The following MYT1 variants were observed in gnomAD, a reference collection of about 807,000 sequenced individuals.
MYT1 encodes myelin transcription factor 1.
MYT1 carries 23 observed loss-of-function variants against 123.0 expected under a neutral mutation model. The observed-to-expected ratio is 0.19, with a 90% CI of 0.13 to 0.26. MYT1 has a LOEUF of 0.26. Among genes scored for constraint, MYT1 ranks in the 10% least tolerant of loss-of-function variants. MYT1 has a pLI of 1.00. For missense variants in MYT1, 1,125 were observed against 1,472.5 expected (o/e 0.76, Z 3.86); for synonymous variants, 518 against 575.3 (o/e 0.90, Z 1.43).
intron 3 of MYT1, 129 bp downstream of exon 3, chr20:64,199,045 T>C (rs777655635): frequency 2.2e-5 from 21 of 942,630 alleles, no homozygotes; most frequent in Non-Finnish European, 3.3e-5. Flanking sequence ...TTCAGCCTCA[T>C]TCATCCTCAG....
At chr20:64,171,281 G>A (rs1982271205) in intron 1 of MYT1, among the ~76,000 whole-genome samples, 1 of 152,100 alleles carries the variant, frequency 6.6e-6, no homozygotes, top group Admixed American at 6.5e-5. Flanking sequence ...CTCATCCAGC[G>A]GTAAGTCCTG....
chr20:64,197,834 C>T (rs1017754315), intron 2 of MYT1, among the ~76,000 whole-genome samples: 1 of 152,178 alleles, frequency 6.6e-6, no homozygotes, highest in Non-Finnish European at 1.5e-5. Flanking sequence ...GCAGTGTCCC[C>T]ACAGAGGGTG....
intron 10 of MYT1, among the ~76,000 whole-genome samples, 182 bp from the exon 11 acceptor site, chr20:64,216,885 C>T (rs770355432): frequency 2.0e-5 from 3 of 152,214 alleles, no homozygotes; most frequent in Non-Finnish European, 4.4e-5. Context: ...GCCCTTGACC[C>T]TGGGAGGTGG....
chr20:64,184,646 C>T (rs1982746231), intron 1 of MYT1, among the ~76,000 whole-genome samples: 1 of 152,114 alleles, frequency 6.6e-6, no homozygotes, highest in Admixed American at 6.5e-5. Flanking sequence ...ATGAGTTTGT[C>T]AGTTTTTGCA....
intron 4 of MYT1, 39 bp from the exon 5 acceptor site, chr20:64,204,996 C>T (rs753111166): frequency 2.5e-6 from 4 of 1,602,158 alleles, no homozygotes; most frequent in Non-Finnish European, 3.4e-6. Context: ...GATCTGAGCC[C>T]ATCGCCTGAT....
intron 2 of MYT1, among the ~76,000 whole-genome samples, chr20:64,194,534 G>T (rs932216553): frequency 6.6e-6 from 1 of 152,262 alleles, no homozygotes; most frequent in South Asian, 2.1e-4. Flanking sequence ...CTTCAGCCAG[G>T]ATTCTGTCCT....
chr20:64,199,900 G>A lies in MYT1; in HGVS notation c.64G>A (p.Glu22Lys), dbSNP rs1371900914. The A allele has an allele frequency of 6.2e-7, 1 of 1,614,160 alleles. No homozygotes were observed. Among genetic ancestry groups the A allele is most frequent in the South Asian group, 1.1e-5 (1 of 91,074 alleles). ...TRSKALRGPPETTAADLSCPT... is the reference protein window; with the variant it reads ...TRSKALRGPPKTTAADLSCPT... ...TTCTGTCTTTTTCCCAGGACCCCCA[G>A]AGACCACAGCTGCAGACCTCAGGTA... Residue 22 changes from glutamate (E) to lysine (K), a missense_variant, in exon 4 of 23, where the codon GAG (glutamate) becomes AAG (lysine). Around this residue, in one of 4 missense-constraint regions of MYT1, gnomAD observed 406 missense variants for 432.2 expected, o/e 0.94. Transcript: ENST00000328439.
At chr20:64,200,397 C>T (rs1601710001) in intron 4 of MYT1, among the ~76,000 whole-genome samples, 3 of 152,302 alleles carry the variant, frequency 2.0e-5, no homozygotes, top group East Asian at 1.9e-4. Context: ...GCTCTGTGAC[C>T]GTTTCCTTCC....
At position 64,217,228 on chromosome 20, in the gene MYT1, G is replaced by A. The variant is rs926613821; in HGVS notation, c.1793G>A (p.Arg598His). Reference protein sequence around the residue: ...ASFDAQVFGKRMLAPKIQTSE... With the variant: ...ASFDAQVFGKHMLAPKIQTSE... ...TTCGATGCTCAGGTTTTTGGCAAAC[G>A]CATGCTTGCCCCAAAGATTCAGACC... Residue 598 changes from arginine (R) to histidine (H), a missense_variant, in exon 11 of 23, where the codon CGC becomes CAC. Arg to His is a conservative substitution (Grantham distance 29, BLOSUM62 0). This residue lies in a region of MYT1 where 429 missense variants were observed against 604.1 expected (regional missense o/e 0.71). Transcript: ENST00000328439. 5.6e-6 allele frequency: 9 copies of A among 1,614,232 alleles called. No homozygotes were observed. The highest frequency in any genetic ancestry group is 7.6e-6 in the Non-Finnish European group (9 of 1,180,038).
rs752435596 is a variant in MYT1, at chr20:64,208,108, G to A, written c.912G>A (p.Glu304=). 1 of 1,610,658 alleles carries A rather than the reference G, an allele frequency of 6.2e-7. No homozygotes were observed. The change falls in exon 7 of 23, where the codon GAG becomes GAA. Residue 304 remains glutamate (E), a synonymous_variant. Coordinates refer to ENST00000328439, the MANE Select transcript of MYT1 (RefSeq NM_004535.3). This position sits in a 1 kb window ranked among gnomAD's most constrained non-coding sequence, Gnocchi z 5.4. ...AGGAAGAGGAAGAGGAAGAGGAGGA[G>A]GAGGAGGCAGCTCCTGATGTGATCT... ...EEEEEEEEEE[E]EEAAPDVIFQ... is the part of the protein sequence containing the mutation.
At position 64,219,867 on chromosome 20, in the gene MYT1, C is replaced by T. The variant is rs1983951301; in HGVS notation, c.2126C>T (p.Ala709Val). ...TCCCAGCGCCACAGCAGCACCAGCG[C>T]CCCCAGCAGCTCCATGACCTCTCCC... is the stretch of plus-strand genomic sequence containing the variant. ...DASQRHSSTSAPSSSMTSPQS... is the reference protein window; with the variant it reads ...DASQRHSSTSVPSSSMTSPQS... The change falls in exon 13 of 23, where the codon GCC (alanine) becomes GTC (valine). Residue 709 changes from alanine (A) to valine (V), a missense_variant. By Grantham distance (64) the Ala-to-Val change is moderately conservative (BLOSUM62 0). This residue lies in a region of MYT1 where 429 missense variants were observed against 604.1 expected (regional missense o/e 0.71). Transcript: ENST00000328439. 2 of 1,597,508 alleles carry T rather than the reference C, an allele frequency of 1.3e-6. No individual in the cohort carries two copies.
At position 64,208,259 on chromosome 20, in the gene MYT1, G is replaced by A. The variant is rs1045771733; in HGVS notation, c.1063G>A (p.Asp355Asn). The change falls in exon 7 of 23, where the codon GAC (aspartate) becomes AAC (asparagine). Residue 355 changes from aspartate to asparagine, a missense_variant. By Grantham distance (23) the Asp-to-Asn change is conservative. This residue lies in a region of MYT1 where 429 missense variants were observed against 604.1 expected (regional missense o/e 0.71). Transcript: ENST00000328439. The surrounding 1 kb of genome is among the most constrained non-coding windows in gnomAD (Gnocchi z 5.4). ...CCGCTCGGATGATGACAAGGACGAG[G>A]ACACCCACTCCCGGAAGTCAACAGT... ...EVRSDDDKDE[D>N]THSRKSTVTD... 1.2e-6 allele frequency: 2 copies of A among 1,614,168 alleles called. No homozygotes were observed. Among genetic ancestry groups the A allele is most frequent in the African/African-American group, 1.3e-5 (1 of 75,036 alleles).
Position 64,240,392 on chromosome 20 carries a change from G to A in MYT1, c.3310G>A (p.Glu1104Lys), listed in dbSNP as rs770351949. 2.5e-6 allele frequency: 4 copies of A among 1,614,014 alleles called. No homozygotes were observed. The highest frequency in any genetic ancestry group is 3.4e-6 in the Non-Finnish European group (4 of 1,180,026). Residue 1104 changes from glutamate (E) to lysine (K), a missense_variant, in exon 23 of 23, where the codon GAG becomes AAG. Around this residue, in one of 4 missense-constraint regions of MYT1, gnomAD observed 243 missense variants for 323.1 expected, o/e 0.75. Transcript: ENST00000328439. ...LTDMYSNQDP[E>K]NKDLLESIKQ... Reference sequence around the variant, plus strand: ...CGACATGTACTCCAACCAGGACCCGGAGAACAAGGACCTCCTGGAGAGCAT... The same window carrying A: ...CGACATGTACTCCAACCAGGACCCGAAGAACAAGGACCTCCTGGAGAGCAT...
intron 10 of MYT1, among the ~76,000 whole-genome samples, chr20:64,215,639 A>G (rs1983814687): frequency 6.6e-6 from 1 of 151,970 alleles, no homozygotes; most frequent in Non-Finnish European, 1.5e-5. Context: ...GCTGGAGTGC[A>G]GTGGTTTCAA....
At position 64,227,926 on chromosome 20, in the gene MYT1, A is replaced by G; in HGVS notation, c.2630A>G (p.Lys877Arg). 1 of 1,614,090 alleles carries G rather than the reference A, an allele frequency of 6.2e-7. No homozygotes were observed. Among genetic ancestry groups the G allele is most frequent in the Non-Finnish European group, 8.5e-7 (1 of 1,179,990 alleles). Residue 877 changes from lysine to arginine, a missense_variant, in exon 18 of 23, where the codon AAG (lysine) becomes AGG (arginine). Physicochemically the swap from Lys to Arg is conservative, Grantham distance 26. This residue lies in a region of MYT1 where 243 missense variants were observed against 323.1 expected (regional missense o/e 0.75). Coordinates refer to ENST00000328439, the MANE Select transcript of MYT1 (RefSeq NM_004535.3). ...CCTCGTGCAAAGAAAAGTGGAGTCA[A>G]GGTGGCACCCACCAAGGACGACAAG... ...GCPRAKKSGV[K>R]VAPTKDDKED...
chr20:64,236,688 C>T (rs955771520), intron 20 of MYT1, 42 bp downstream of exon 20: 1 of 1,537,226 alleles, frequency 6.5e-7, no homozygotes. Context: ...TGGCTGGGTG[C>T]CAGGGTAAGT....
At chr20:64,178,698 A>G (rs1199695064) in intron 1 of MYT1, among the ~76,000 whole-genome samples, 33 of 133,494 alleles carry the variant, frequency 2.5e-4, no homozygotes, top group South Asian at 9.8e-4. Context: ...TCGGTGGGAT[A>G]CCCTTCAACG....
At chr20:64,215,210 G>C (rs989374102) in intron 10 of MYT1, among the ~76,000 whole-genome samples, 17 of 152,172 alleles carry the variant, frequency 1.1e-4, no homozygotes, top group African/African-American at 3.9e-4. Context: ...TTTGGCCCCC[G>C]TGTGAGGCCA....
In MYT1 at chr20:64,221,911, T is replaced by C; in HGVS notation, c.2260T>C (p.Ser754Pro). ...EPEESEPAAH[S>P]FASSEADDQE... ...TTTGCAGTCAGAGCCAGCAGCCCAT[T>C]CTTTTGCTTCTTCTGAAGCAGATGA... is the stretch of plus-strand genomic sequence containing the variant. The change falls in exon 14 of 23, where the codon TCT becomes CCT. Residue 754 changes from serine (S) to proline (P), a missense_variant. Physicochemically the swap from Ser to Pro is moderately conservative, Grantham distance 74. Around this residue, in one of 4 missense-constraint regions of MYT1, gnomAD observed 429 missense variants for 604.1 expected, o/e 0.71. Transcript: ENST00000328439. 1.2e-6 allele frequency: 2 copies of C among 1,613,372 alleles called. No homozygotes were observed. Among genetic ancestry groups the C allele is most frequent in the Non-Finnish European group, 1.7e-6 (2 of 1,179,986 alleles).
Sources: gnomAD v4.1 joint callset for allele counts (sites outside exome capture counted in the v4.1 genomes callset) on GRCh38, gnomAD v4.1.1 for gene constraint, gnomAD v4.1.1 regional missense constraint, Gnocchi (gnomAD v3.1) non-coding constraint, MANE v1.5 for transcripts, NCBI Gene and HGNC (gene_info 2026-07-23, HGNC 2026-07-21) for gene names.